ENPP2: variants seen among roughly 807,000 people sequenced by gnomAD.
ENPP2 encodes the protein ectonucleotide pyrophosphatase/phosphodiesterase 2, also known as autotaxin.
In ENPP2, 51 loss-of-function variants were observed where a neutral mutation model predicts 120.2. The ratio of observed to expected loss-of-function variants is 0.42; its 90% CI spans 0.34 to 0.54. The LOEUF is 0.54. Among genes scored for constraint, ENPP2 ranks in the 20% least tolerant of loss-of-function variants. The pLI is 0.04. For missense variants in ENPP2, 920 were observed against 1,066.5 expected (o/e 0.86, Z 1.91); for synonymous variants, 365 against 366.4 (o/e 1.00, Z 0.04).
At chr8:119,598,700 C>G (rs1814071515) in intron 11 of ENPP2, among the ~76,000 whole-genome samples, 1 of 152,136 alleles carries the variant, frequency 6.6e-6, no homozygotes, top group Non-Finnish European at 1.5e-5. Flanking sequence ...TTATTAAAAG[C>G]CAAACTTTTG....
chr8:119,600,810 C>G, intron 10 of ENPP2, 60 bp from the exon 11 acceptor site: 1 of 942,654 alleles, frequency 1.1e-6, no homozygotes, highest in Non-Finnish European at 1.7e-6. Flanking sequence ...AAAAATATCA[C>G]ATATTTTTAA....
At chr8:119,655,146 A>G (rs926971193) in intron 1 of ENPP2, among the ~76,000 whole-genome samples, 3 of 152,226 alleles carry the variant, frequency 2.0e-5, no homozygotes, top group African/African-American at 7.2e-5. Context: ...AACACATTTC[A>G]CAAAATCCTA....
chr8:119,648,268 T>C (rs950518120), intron 1 of ENPP2, among the ~76,000 whole-genome samples: 9 of 152,224 alleles, frequency 5.9e-5, no homozygotes, highest in Non-Finnish European at 1.2e-4. Flanking sequence ...TATCGTGCTC[T>C]CAGCATCTTC....
intron 1 of ENPP2, among the ~76,000 whole-genome samples, chr8:119,657,184 C>G (rs1817790056): frequency 6.6e-6 from 1 of 152,154 alleles, no homozygotes; most frequent in South Asian, 2.1e-4. Flanking sequence ...CTCGGCCTCC[C>G]AAAGTGCTGG....
chr8:119,656,233 T>C (rs1430998195), intron 1 of ENPP2, among the ~76,000 whole-genome samples: 2 of 152,180 alleles, frequency 1.3e-5, no homozygotes, highest in Non-Finnish European at 2.9e-5. Flanking sequence ...TAAGAACTGA[T>C]AAAAATTCAG....
intron 11 of ENPP2, among the ~76,000 whole-genome samples, chr8:119,595,113 G>A (rs966234390): frequency 1.3e-5 from 2 of 152,146 alleles, no homozygotes; most frequent in African/African-American, 2.4e-5. Flanking sequence ...CTCTGTCTAG[G>A]TAAAGAAATA....
intron 11 of ENPP2, among the ~76,000 whole-genome samples, chr8:119,597,139 T>G (rs190795422): frequency 1.6e-3 from 244 of 152,342 alleles, no homozygotes; most frequent in African/African-American, 5.6e-3. Context: ...CTTCTGTTTC[T>G]GTCTCATCCT....
Position 119,570,238 on chromosome 8 carries a change from C to T in ENPP2, c.1917+467G>A, listed in dbSNP as rs553456521. 4.1e-4 allele frequency among the ~76,000 whole-genome samples: 57 copies of T among 137,974 alleles called. 2 individuals carry two copies. The South Asian group carries it at 0.013, about 31-fold the overall frequency. The allele number at this position is 137,974 out of a possible 152,430, so 90.5% of individuals were successfully genotyped here. On this transcript the variant is annotated intron_variant, in intron 20 of 24. Coordinates refer to ENST00000075322, the MANE Select transcript of ENPP2 (RefSeq NM_001040092.3). ...GAGCTGAGATCATGCCACTGCACTC[C>T]AGCCTGGGAGACAGAGCAAGACTCG...
Position 119,582,602 on chromosome 8 carries a change from T to C in ENPP2, c.1544A>G (p.Asp515Gly), listed in dbSNP as rs140998085. 33 of 1,608,052 alleles carry C rather than the reference T, an allele frequency of 2.1e-5. 1 individual carries two copies. The African/African-American group carries it at 3.9e-4, about 19-fold the overall frequency. ...AGGAGCTGGCTTCAATCCCAGGAGA[T>C]CTAATGAAAATTAAGAAAAGGAGGC... ...ENIELYNVMC[D>G]LLGLKPAPNN... The change falls in exon 18 of 25, where the codon GAT (aspartate) becomes GGT (glycine). Residue 515 changes from aspartate (D) to glycine (G), a missense_variant and splice_region_variant. Physicochemically the swap from Asp to Gly is moderately conservative, Grantham distance 94 (BLOSUM62 -1). Coordinates refer to ENST00000075322, the MANE Select transcript of ENPP2 (RefSeq NM_001040092.3).
upstream of ENPP2, among the ~76,000 whole-genome samples, chr8:119,643,726 C>A (rs1587562964): frequency 1.3e-5 from 2 of 152,136 alleles, no homozygotes; most frequent in South Asian, 2.1e-4. Context: ...CAAGTAGACA[C>A]AGAAATAAAT....
chr8:119,623,935 T>A (rs1816092162), intron 3 of ENPP2, among the ~76,000 whole-genome samples: 1 of 152,192 alleles, frequency 6.6e-6, no homozygotes, highest in Non-Finnish European at 1.5e-5. Context: ...CATTCTAATT[T>A]TTTAATATCC....
chr8:119,637,748 G>A (rs1326774415), intron 2 of ENPP2, among the ~76,000 whole-genome samples: 1 of 152,172 alleles, frequency 6.6e-6, no homozygotes, highest in African/African-American at 2.4e-5. Flanking sequence ...GTCTGCACAA[G>A]GAGCTCCTTT....
At chr8:119,565,211 C>T (rs1814320819) in intron 22 of ENPP2, among the ~76,000 whole-genome samples, 1 of 152,014 alleles carries the variant, frequency 6.6e-6, no homozygotes, top group Non-Finnish European at 1.5e-5. Context: ...AGGAAAGGAT[C>T]CTCCCAAGCT....
chr8:119,600,932 TCTGTAGTAA>T (rs1814258356), intron 10 of ENPP2, among the ~76,000 whole-genome samples, 182 bp from the exon 11 acceptor site: 1 of 151,934 alleles, frequency 6.6e-6, no homozygotes, highest in Admixed American at 6.6e-5. Flanking sequence ...CACCACCCCA[TCTGTAGTAA>T]CTGTCTGGAA....
At chr8:119,572,478 C>G (rs928432129) in intron 19 of ENPP2, 4 of 505,924 alleles carry the variant, frequency 7.9e-6, no homozygotes, top group Non-Finnish European at 1.4e-5. Context: ...AACTCTGGCT[C>G]TTCCTCTAAA....
intron 1 of ENPP2, among the ~76,000 whole-genome samples, chr8:119,656,722 A>G (rs1333029786): frequency 6.6e-6 from 1 of 152,176 alleles, no homozygotes; most frequent in Non-Finnish European, 1.5e-5. Flanking sequence ...TGAATTACAC[A>G]AATAAGGCAG....
At chr8:119,574,075 GA>G (rs2130167925) in intron 19 of ENPP2, among the ~76,000 whole-genome samples, 1 of 152,264 alleles carries the variant, frequency 6.6e-6, no homozygotes, top group Non-Finnish European at 1.5e-5. Flanking sequence ...GAAAGAGGGG[GA>G]AATAATCTCT....
At chr8:119,661,298 C>A (rs760803975) in intron 1 of ENPP2, among the ~76,000 whole-genome samples, 1 of 152,040 alleles carries the variant, frequency 6.6e-6, no homozygotes, top group Admixed American at 6.6e-5. Context: ...CAAACCTGCA[C>A]GTTCAGCACA....
chr8:119,571,884 G>A (rs1021461307), intron 19 of ENPP2: 7 of 251,662 alleles, frequency 2.8e-5, no homozygotes, highest in Non-Finnish European at 4.6e-5. Flanking sequence ...AAAAGTCTTC[G>A]TAGAATACTT....
Sources: gnomAD v4.1 joint callset for allele counts (sites outside exome capture counted in the v4.1 genomes callset) on GRCh38, gnomAD v4.1.1 for gene constraint, MANE v1.5 for transcripts, NCBI Gene and HGNC (gene_info 2026-07-23, HGNC 2026-07-21) for gene names.